The following HTR3B variants were observed in gnomAD, a reference collection of about 807,000 sequenced individuals.
The protein encoded by HTR3B is 5-hydroxytryptamine (serotonin) receptor 3B, ionotropic.
A neutral mutation model predicts 42.8 loss-of-function variants in HTR3B; 44 were observed. The ratio of observed to expected loss-of-function variants is 1.03; its 90% CI spans 0.81 to 1.32. HTR3B has a LOEUF of 1.32. Ranked by LOEUF, HTR3B falls within the 40% of genes most tolerant of loss-of-function variation. The pLI, the probability that HTR3B is intolerant of heterozygous loss-of-function variation, is 0.00. For synonymous variants in HTR3B, 203 were observed against 209.0 expected (o/e 0.97, Z 0.25); for missense variants, 527 against 536.5 (o/e 0.98, Z 0.17).
chr11:113,931,686 G>A (rs1950035851), intron 3 of HTR3B, 72 bp from the exon 4 acceptor site: 2 of 898,178 alleles, frequency 2.2e-6, no homozygotes, highest in Non-Finnish European at 3.7e-6. Context: ...TAATCCAAAT[G>A]CCTCTTTAGT....
intron 6 of HTR3B, among the ~76,000 whole-genome samples, chr11:113,940,729 C>T (rs557936689): frequency 2.6e-5 from 4 of 152,322 alleles, no homozygotes; most frequent in African/African-American, 9.6e-5. Context: ...GGAGAGCCCC[C>T]ACTCTTATCA....
At position 113,925,468 on chromosome 11, in the gene HTR3B, G is replaced by T. The variant is rs116948893; in HGVS notation, c.214-5916G>T. ...AAACAGAGGCTCTCTCTATCACCCA[G>T]ACTGGAGTGCAGTGGCGCCATCTCT... is the stretch of plus-strand genomic sequence containing the variant. On this transcript the variant is annotated intron_variant, in intron 2 of 8. Coordinates refer to ENST00000260191, the MANE Select transcript of HTR3B (RefSeq NM_006028.5). Among the ~76,000 whole-genome samples, 312 of 123,372 alleles carry T rather than the reference G, an allele frequency of 2.5e-3. 8 individuals are homozygous for T. In the East Asian group the frequency reaches 0.066, roughly 26 times the overall value. The allele number at this position is 123,372 out of a possible 152,430, so 80.9% of individuals were successfully genotyped here.
upstream of HTR3B, among the ~76,000 whole-genome samples, chr11:113,901,217 G>A (rs73554886): frequency 0.024 from 3,605 of 152,184 alleles, 122 homozygotes; most frequent in African/African-American, 0.08. Flanking sequence ...CAAGGCGGAA[G>A]GATCACTTGA....
intron 6 of HTR3B, among the ~76,000 whole-genome samples, chr11:113,936,887 C>T (rs1275157035): frequency 6.6e-6 from 1 of 152,102 alleles, no homozygotes; most frequent in South Asian, 2.1e-4. Context: ...AACCTTGGGG[C>T]CTATTCCATC....
chr11:113,944,342 T>C (rs893340284), intron 7 of HTR3B, among the ~76,000 whole-genome samples: 1 of 151,176 alleles, frequency 6.6e-6, no homozygotes, highest in Non-Finnish European at 1.5e-5. Flanking sequence ...CTACCAAAAA[T>C]AAAAAAAAAT....
Position 113,909,458 on chromosome 11 carries a change from A to G in HTR3B, c.213+3A>G. 2 of 1,613,156 alleles carry G rather than the reference A, an allele frequency of 1.2e-6. No homozygotes were observed. The highest frequency in any genetic ancestry group is 1.7e-6 in the Non-Finnish European group (2 of 1,179,376). Reference sequence around the variant, plus strand: ...TCGTCCATGCTATATTGGATGTGGTAAGGACCATCTTGCCCCTTCCTATTC... The same window carrying G: ...TCGTCCATGCTATATTGGATGTGGTGAGGACCATCTTGCCCCTTCCTATTC... On this transcript the variant is annotated splice_donor_region_variant and intron_variant, in intron 2 of 8. Coordinates refer to ENST00000260191, the MANE Select transcript of HTR3B (RefSeq NM_006028.5).
intron 2 of HTR3B, among the ~76,000 whole-genome samples, chr11:113,926,583 C>T (rs1218001832): frequency 6.7e-6 from 1 of 150,010 alleles, no homozygotes; most frequent in South Asian, 2.1e-4. Context: ...GGCTGGAATG[C>T]AGTGGCACGA....
chr11:113,914,420 C>A (rs919412164), intron 2 of HTR3B, among the ~76,000 whole-genome samples: 1 of 150,550 alleles, frequency 6.6e-6, no homozygotes, highest in Non-Finnish European at 1.5e-5. Context: ...GCCGAGATCA[C>A]GCCATTGCAC....
Position 113,947,114 on chromosome 11 carries a change from T to C in HTR3B, c.*977T>C, listed in dbSNP as rs1950186821. Among the ~76,000 whole-genome samples the C allele has an allele frequency of 6.6e-6, 1 of 151,830 alleles. No individual in the cohort carries two copies. Among genetic ancestry groups the C allele is most frequent in the Admixed American group, 6.6e-5 (1 of 15,230 alleles). On this transcript the variant is annotated 3_prime_UTR_variant, in exon 9 of 9. Coordinates refer to ENST00000260191, the MANE Select transcript of HTR3B (RefSeq NM_006028.5). ...GAACCCAGGTGCCAAGGCTTCTTTT[T>C]TTTTTTTTGAGGCAGAGTCTTGCTC... is the stretch of plus-strand genomic sequence containing the variant.
intron 1 of HTR3B, among the ~76,000 whole-genome samples, chr11:113,907,032 CT>C (rs2137482031): frequency 6.6e-6 from 1 of 152,272 alleles, no homozygotes; most frequent in African/African-American, 2.4e-5. Flanking sequence ...TCAAAGTGCC[CT>C]GAACACTTTA....
Position 113,946,986 on chromosome 11 carries a change from G to C in HTR3B, c.*849G>C, listed in dbSNP as rs1382994149. ...CAACCAACCAGAGCATAAAATTCCT[G>C]CCATATCCCTCACCTTCTGAGGCTC... On this transcript the variant is annotated 3_prime_UTR_variant, in exon 9 of 9. Transcript: ENST00000260191. Among the ~76,000 whole-genome samples, 1 of 152,136 alleles carries C rather than the reference G, an allele frequency of 6.6e-6. No homozygotes were observed. The highest frequency in any genetic ancestry group is 1.5e-5 in the Non-Finnish European group (1 of 68,014).
chr11:113,944,912 G>C (rs1034498315), intron 8 of HTR3B, among the ~76,000 whole-genome samples, 157 bp downstream of exon 8: 2 of 152,184 alleles, frequency 1.3e-5, no homozygotes, highest in Non-Finnish European at 2.9e-5. Context: ...TCTCTCTGGA[G>C]ACTGAAGGCT....
chr11:113,929,421 A>G (rs916849098), intron 2 of HTR3B, among the ~76,000 whole-genome samples: 4 of 152,022 alleles, frequency 2.6e-5, no homozygotes, highest in Admixed American at 2.6e-4. Flanking sequence ...CCACTTTCTG[A>G]CTTTCAGATG....
intron 2 of HTR3B, among the ~76,000 whole-genome samples, chr11:113,915,899 C>T (rs779165747): frequency 2.6e-5 from 4 of 152,124 alleles, no homozygotes; most frequent in Non-Finnish European, 5.9e-5. Flanking sequence ...AGTGCAGTGG[C>T]ATGATCTCAG....
In HTR3B at chr11:113,946,202, G is replaced by A. The variant is rs780242829; in HGVS notation, c.*65G>A. 2 of 1,315,976 alleles carry A rather than the reference G, an allele frequency of 1.5e-6. No homozygotes were observed. Among genetic ancestry groups the A allele is most frequent in the Admixed American group, 1.7e-5 (1 of 58,460 alleles). 81.5% of individuals were successfully genotyped at this position (1,315,976 alleles called of 1,614,324 possible). ...AGAGAGAGGAGGGGGAATAATAGTG[G>A]GTTAAAAAGCTTTCTGGGTCGGGTG... On this transcript the variant is annotated 3_prime_UTR_variant, in exon 9 of 9. Transcript: ENST00000260191.
chr11:113,911,121 C>T (rs984730697), intron 2 of HTR3B, among the ~76,000 whole-genome samples: 2 of 151,946 alleles, frequency 1.3e-5, no homozygotes, highest in Non-Finnish European at 2.9e-5. Context: ...CCACTGCACC[C>T]GGCCAAAAAT....
At chr11:113,901,891 C>G (rs1006171699), upstream of HTR3B, among the ~76,000 whole-genome samples, 1 of 152,184 alleles carries the variant, frequency 6.6e-6, no homozygotes, top group Non-Finnish European at 1.5e-5. Context: ...TAAAGGGATG[C>G]TTCTGCATTG....
At chr11:113,933,722 A>C (rs933474133) in intron 6 of HTR3B, among the ~76,000 whole-genome samples, 3 of 152,098 alleles carry the variant, frequency 2.0e-5, no homozygotes, top group Non-Finnish European at 4.4e-5. Context: ...AAACTAGGGG[A>C]TGGTGGGGTA....
At chr11:113,923,083 A>G (rs1160305238) in intron 2 of HTR3B, among the ~76,000 whole-genome samples, 1 of 152,222 alleles carries the variant, frequency 6.6e-6, no homozygotes, top group South Asian at 2.1e-4. Flanking sequence ...TGGCTACTCT[A>G]AAAATGCTCT....
Sources: allele counts gnomAD v4.1 joint callset (sites outside exome capture counted in the v4.1 genomes callset), GRCh38; gene constraint gnomAD v4.1.1; transcripts MANE v1.5; gene names NCBI Gene and HGNC (gene_info 2026-07-23, HGNC 2026-07-21).